Variants in C2orf49 observed in about 807,000 individuals in gnomAD.
The protein encoded by C2orf49 is tRNA splicing ligase complex subunit 2.
In C2orf49, 11 loss-of-function variants were observed where a neutral mutation model predicts 20.6. The observed-to-expected ratio is 0.53, with a 90% CI of 0.34 to 0.88. C2orf49 has a LOEUF of 0.88. Among genes scored for constraint, C2orf49 ranks in the 40% least tolerant of loss-of-function variants. The probability of loss-of-function intolerance (pLI) is 0.02; values close to 1 mark genes in which losing one functional copy is unlikely to be tolerated. For missense variants in C2orf49, 289 were observed against 274.2 expected, an observed-to-expected ratio of 1.05 and a Z score of -0.38; for synonymous variants, 134 against 108.5, an observed-to-expected ratio of 1.24 and a Z score of -1.46.
At chr2:105,356,944 CT>C in the C2orf49 span, among the ~76,000 whole-genome samples, 1 of 151,560 alleles carries the variant, frequency 6.6e-6, no homozygotes, top group Admixed American at 6.6e-5. Flanking sequence ...CTCTTTTTTT[CT>C]TTTTCTTTTT....
At chr2:105,380,130 C>T in the C2orf49 span, among the ~76,000 whole-genome samples, 6 of 152,280 alleles carry the variant, frequency 3.9e-5, no homozygotes, top group East Asian at 7.7e-4. Flanking sequence ...TAACTCAATA[C>T]TGCCAGGTTT....
the C2orf49 span, chr2:105,358,097 G>A: frequency 6.6e-6 from 1 of 152,188 alleles, no homozygotes; most frequent in Admixed American, 6.6e-5. Context: ...TAAACTTCTG[G>A]CTGGTCTGTC....
At chr2:105,343,931 C>T (rs1247559698) in intron 3 of C2orf49, among the ~76,000 whole-genome samples, 1 of 151,904 alleles carries the variant, frequency 6.6e-6, no homozygotes, top group Non-Finnish European at 1.5e-5. Context: ...AGCCATTATT[C>T]TGTAGAATAC....
At chr2:105,384,356 C>T in the C2orf49 span, among the ~76,000 whole-genome samples, 19 of 152,100 alleles carry the variant, frequency 1.2e-4, no homozygotes, top group Non-Finnish European at 2.4e-4. Flanking sequence ...GTGGAAGGGA[C>T]GTGTCACGAA....
intron 2 of C2orf49, among the ~76,000 whole-genome samples, chr2:105,340,846 G>A (rs1193833697): frequency 4.6e-5 from 7 of 152,072 alleles, no homozygotes; most frequent in South Asian, 2.1e-4. Context: ...GTAAGGCACC[G>A]TCATAGGCAA....
At chr2:105,364,701 C>A in the C2orf49 span, among the ~76,000 whole-genome samples, 1 of 152,060 alleles carries the variant, frequency 6.6e-6, no homozygotes, top group African/African-American at 2.4e-5. Flanking sequence ...CACTTTTTTG[C>A]TTTTTATTTT....
At chr2:105,377,402 A>G in the C2orf49 span, among the ~76,000 whole-genome samples, 72,169 of 152,056 alleles carry the variant, frequency 0.47, 18,005 homozygotes, top group African/African-American at 0.63. Flanking sequence ...AGGCCGAGGC[A>G]GGCGGATCAC....
At chr2:105,363,503 C>A in the C2orf49 span, 1 of 1,567,724 alleles carries the variant, frequency 6.4e-7, no homozygotes, top group East Asian at 2.3e-5. Flanking sequence ...TTAGTGTGGC[C>A]TCTGTGCTTG....
chr2:105,350,403 G>A (rs965783628), downstream of C2orf49, among the ~76,000 whole-genome samples: 2 of 152,198 alleles, frequency 1.3e-5, no homozygotes, highest in Admixed American at 6.5e-5. Context: ...ATGAATGTAG[G>A]ACTTTGGATT....
chr2:105,339,309 A>C (rs1179626913), intron 1 of C2orf49, among the ~76,000 whole-genome samples: 1 of 152,186 alleles, frequency 6.6e-6, no homozygotes, highest in Non-Finnish European at 1.5e-5. Flanking sequence ...ATTTTACTGG[A>C]AATGATCTTT....
chr2:105,342,278 A>G (rs562530412), intron 2 of C2orf49, among the ~76,000 whole-genome samples: 3 of 152,352 alleles, frequency 2.0e-5, no homozygotes, highest in South Asian at 2.1e-4. Context: ...AACCTTTACT[A>G]TTAAGAGTGG....
At chr2:105,350,118 T>G (rs186566918), downstream of C2orf49, among the ~76,000 whole-genome samples, 2 of 152,316 alleles carry the variant, frequency 1.3e-5, no homozygotes, top group African/African-American at 4.8e-5. Context: ...GCCGGCTGAC[T>G]AAAGTTGTAT....
chr2:105,353,938 A>G (rs1679993048), downstream of C2orf49, among the ~76,000 whole-genome samples: 1 of 152,224 alleles, frequency 6.6e-6, no homozygotes, highest in South Asian at 2.1e-4. Flanking sequence ...GTCTTGTCCA[A>G]AGGAGTTAGG....
the C2orf49 span, among the ~76,000 whole-genome samples, chr2:105,365,673 A>AC: frequency 0.14 from 20,216 of 146,548 alleles, 1,693 homozygotes; most frequent in East Asian, 0.3. Context: ...CGTCTCTACT[A>AC]CAAAAAAAAA....
At chr2:105,352,397 C>T (rs1490827265), downstream of C2orf49, among the ~76,000 whole-genome samples, 2 of 146,530 alleles carry the variant, frequency 1.4e-5, no homozygotes, top group African/African-American at 2.5e-5. Flanking sequence ...GGTCCCTGTC[C>T]GCAAGGGCCT....
chr2:105,382,055 C>T, the C2orf49 span, among the ~76,000 whole-genome samples: 3 of 152,230 alleles, frequency 2.0e-5, no homozygotes, highest in Non-Finnish European at 4.4e-5. Flanking sequence ...TCTCCTATTT[C>T]AGAGCCCTGC....
At chr2:105,342,723 T>G (rs1679703380) in intron 2 of C2orf49, 125 bp from the exon 3 acceptor site, 1 of 897,370 alleles carries the variant, frequency 1.1e-6, no homozygotes, top group South Asian at 2.4e-5. Flanking sequence ...AATTTCATTT[T>G]TAATAGTCTC....
At chr2:105,351,442 C>T (rs538774706), downstream of C2orf49, among the ~76,000 whole-genome samples, 5 of 150,728 alleles carry the variant, frequency 3.3e-5, no homozygotes, top group Non-Finnish European at 7.4e-5. Context: ...ATTTGGAATT[C>T]TGCACAGGAG....
chr2:105,369,784 G>T, the C2orf49 span, among the ~76,000 whole-genome samples: 9 of 152,172 alleles, frequency 5.9e-5, no homozygotes, highest in Non-Finnish European at 1.2e-4. Context: ...TGAATATGGG[G>T]CAATTATGAC....
Sources: gnomAD v4.1 joint callset for allele counts (sites outside exome capture counted in the v4.1 genomes callset) on GRCh38, gnomAD v4.1.1 for gene constraint, MANE v1.5 for transcripts, NCBI Gene and HGNC (gene_info 2026-07-23, HGNC 2026-07-21) for gene names.